MGAT4C: variants seen among roughly 807,000 people sequenced by gnomAD.
The protein encoded by MGAT4C is alpha-1,3-mannosyl-glycoprotein 4-beta-N-acetylglucosaminyltransferase C.
MGAT4C carries 19 observed loss-of-function variants against 40.1 expected under a neutral mutation model. The ratio of observed to expected loss-of-function variants is 0.47; its 90% CI spans 0.33 to 0.70. MGAT4C has a LOEUF of 0.70. Among genes scored for constraint, MGAT4C ranks in the 30% least tolerant of loss-of-function variants. MGAT4C has a pLI of 0.02. For missense variants in MGAT4C, 491 were observed against 563.2 expected, an observed-to-expected ratio of 0.87 and a Z score of 1.30; for synonymous variants, 181 against 187.1, an observed-to-expected ratio of 0.97 and a Z score of 0.27.
chr12:86,144,527 G>A (rs1012122042), intron 1 of MGAT4C, among the ~76,000 whole-genome samples: 3 of 152,082 alleles, frequency 2.0e-5, no homozygotes, highest in African/African-American at 7.2e-5. Flanking sequence ...TCACAACATT[G>A]TCATTCTTTT....
At chr12:86,166,497 C>A (rs1014226949) in intron 1 of MGAT4C, among the ~76,000 whole-genome samples, 8 of 152,148 alleles carry the variant, frequency 5.3e-5, no homozygotes, top group Non-Finnish European at 1.2e-4. Flanking sequence ...TATGGCGAAA[C>A]CCCATCTCTA....
At chr12:86,058,211 A>G (rs1220997289) in intron 1 of MGAT4C, among the ~76,000 whole-genome samples, 1 of 152,132 alleles carries the variant, frequency 6.6e-6, no homozygotes, top group East Asian at 1.9e-4. Context: ...GCTATAATAA[A>G]TCTGCTAGAA....
At chr12:86,407,621 T>A (rs1054501083) in intron 3 of MGAT4C, among the ~76,000 whole-genome samples, 3 of 152,056 alleles carry the variant, frequency 2.0e-5, no homozygotes, top group African/African-American at 4.8e-5. Flanking sequence ...TACTTTTTTT[T>A]AAGTTTAATC....
At chr12:86,528,189 T>C (rs1001564387) in intron 2 of MGAT4C, among the ~76,000 whole-genome samples, 1 of 152,098 alleles carries the variant, frequency 6.6e-6, no homozygotes, top group African/African-American at 2.4e-5. Context: ...TAAAATGAAA[T>C]AATTTATGTA....
At chr12:86,264,256 T>C (rs955284214) in intron 4 of MGAT4C, among the ~76,000 whole-genome samples, 3 of 152,372 alleles carry the variant, frequency 2.0e-5, no homozygotes, top group Non-Finnish European at 4.4e-5. Flanking sequence ...CCTAGACCAA[T>C]ATCCAAATGA....
intron 2 of MGAT4C, among the ~76,000 whole-genome samples, chr12:86,441,967 A>G (rs1055827269): frequency 2.0e-5 from 3 of 152,152 alleles, no homozygotes; most frequent in Admixed American, 6.5e-5. Flanking sequence ...CTGACAGTGT[A>G]AAAGTGTTCC....
In MGAT4C at chr12:86,014,834, A is replaced by G. The variant is rs527871758; in HGVS notation, c.-6-25282T>C. Among the ~76,000 whole-genome samples the G allele has an allele frequency of 9.2e-5, 14 of 151,956 alleles. No individual in the cohort carries two copies. In the South Asian group the frequency reaches 2.9e-3, roughly 32 times the overall value. ...AGGGCTTGAACAATTTATTATTATTATTATTTTTTATTTTGAGACGGGATC... is the reference window on the plus strand; with the variant it reads ...AGGGCTTGAACAATTTATTATTATTGTTATTTTTTATTTTGAGACGGGATC... On this transcript the variant is annotated intron_variant, in intron 2 of 4. Coordinates refer to ENST00000611864, the MANE Select transcript of MGAT4C (RefSeq NM_001351288.2).
intron 2 of MGAT4C, among the ~76,000 whole-genome samples, chr12:86,662,706 G>A (rs1208354771): frequency 6.6e-6 from 1 of 152,154 alleles, no homozygotes; most frequent in Non-Finnish European, 1.5e-5. Flanking sequence ...GTATGACAGA[G>A]TGGATGGTAG....
At chr12:86,343,785 G>A (rs1954954463) in intron 3 of MGAT4C, among the ~76,000 whole-genome samples, 1 of 152,074 alleles carries the variant, frequency 6.6e-6, no homozygotes, top group Non-Finnish European at 1.5e-5. Context: ...CTCTTATGAA[G>A]CCTCATTCAG....
chr12:86,131,881 C>G (rs1030653522), intron 1 of MGAT4C, among the ~76,000 whole-genome samples: 13 of 151,998 alleles, frequency 8.6e-5, no homozygotes, highest in Non-Finnish European at 1.5e-4. Flanking sequence ...TAGTCTTCCT[C>G]AAATATAAAC....
At chr12:86,481,704 C>A (rs963987678) in intron 2 of MGAT4C, among the ~76,000 whole-genome samples, 1 of 151,710 alleles carries the variant, frequency 6.6e-6, no homozygotes, top group Non-Finnish European at 1.5e-5. Context: ...GAAAATAAAT[C>A]ATATTGAAAA....
At chr12:86,600,356 A>G (rs1266093780) in intron 2 of MGAT4C, among the ~76,000 whole-genome samples, 3 of 152,156 alleles carry the variant, frequency 2.0e-5, no homozygotes, top group Non-Finnish European at 4.4e-5. Flanking sequence ...GTTCATAAGA[A>G]CTTACATTTT....
intron 2 of MGAT4C, among the ~76,000 whole-genome samples, chr12:86,026,354 A>C (rs1049216590): frequency 1.2e-4 from 18 of 151,668 alleles, no homozygotes; most frequent in African/African-American, 4.4e-4. Flanking sequence ...ACACACACAC[A>C]AATACTAAAC....
At chr12:86,245,521 T>C (rs1328467329) in intron 1 of MGAT4C, among the ~76,000 whole-genome samples, 1 of 152,220 alleles carries the variant, frequency 6.6e-6, no homozygotes, top group Admixed American at 6.5e-5. Context: ...TAGGGTCTAG[T>C]CATCTTCAGT....
At chr12:86,060,687 T>G (rs1021711672) in intron 1 of MGAT4C, among the ~76,000 whole-genome samples, 12 of 152,134 alleles carry the variant, frequency 7.9e-5, no homozygotes, top group African/African-American at 2.9e-4. Context: ...AATAGAAACA[T>G]TTATTGCTTA....
At position 86,399,913 on chromosome 12, in the gene MGAT4C, A is replaced by C. The variant is rs982050324; in HGVS notation, c.-120+35244T>G. 6.5e-4 allele frequency among the ~76,000 whole-genome samples: 99 copies of C among 152,200 alleles called. 1 individual carries two copies. The highest frequency in any genetic ancestry group is 2.1e-3 in the African/African-American group (85 of 41,452). On this transcript the variant is annotated intron_variant, in intron 3 of 7. Coordinates refer to the MGAT4C transcript ENST00000548651. ...TTTGTGTTCTGTGTCCCATACTAGC[A>C]GATTAATCAAACCCAAGAATAGGGT...
At chr12:86,101,945 C>T (rs1196057227) in intron 1 of MGAT4C, among the ~76,000 whole-genome samples, 9 of 151,874 alleles carry the variant, frequency 5.9e-5, no homozygotes, top group Non-Finnish European at 1.3e-4. Context: ...AATATTTTTC[C>T]CAATCCTTTT....
intron 1 of MGAT4C, among the ~76,000 whole-genome samples, chr12:86,251,489 G>C (rs921890503): frequency 6.6e-6 from 1 of 152,028 alleles, no homozygotes; most frequent in Admixed American, 6.6e-5. Context: ...GTCTTTAAAA[G>C]CATCTGCTCT....
At chr12:86,047,726 G>A (rs1342831317) in intron 2 of MGAT4C, among the ~76,000 whole-genome samples, 1 of 152,088 alleles carries the variant, frequency 6.6e-6, no homozygotes, top group East Asian at 1.9e-4. Flanking sequence ...GCAAAACTAA[G>A]AACTTATCCT....
Sources: allele counts gnomAD v4.1 joint callset (sites outside exome capture counted in the v4.1 genomes callset), GRCh38; gene constraint gnomAD v4.1.1; transcripts MANE v1.5; gene names NCBI Gene and HGNC (gene_info 2026-07-23, HGNC 2026-07-21).